Variants in ZRANB3 observed in about 807,000 individuals in gnomAD.
ZRANB3 encodes zinc finger RANBP2-type containing 3.
A neutral mutation model predicts 133.8 loss-of-function variants in ZRANB3; 125 were observed. The ratio of observed to expected loss-of-function variants is 0.93; its 90% CI spans 0.81 to 1.08. The LOEUF (loss-of-function observed/expected upper bound fraction) is 1.08, where lower values mean the gene tolerates loss of function less well. ZRANB3 is among the 50% of genes least tolerant of loss of function. The pLI is 0.00. For missense variants in ZRANB3, 1,229 were observed against 1,275.5 expected, an observed-to-expected ratio of 0.96 and a Z score of 0.56; for synonymous variants, 387 against 432.7, an observed-to-expected ratio of 0.89 and a Z score of 1.31.
At chr2:135,207,191 T>TAAATAAATA (rs1212661843) in intron 19 of ZRANB3, among the ~76,000 whole-genome samples, 1 of 149,456 alleles carries the variant, frequency 6.7e-6, no homozygotes, top group African/African-American at 2.5e-5. Flanking sequence ...AATAAATAAA[T>TAAATAAATA]AATAAATAAA....
At chr2:135,507,354 G>GA (rs1246685252) in intron 1 of ZRANB3, among the ~76,000 whole-genome samples, 1 of 152,148 alleles carries the variant, frequency 6.6e-6, no homozygotes, top group Non-Finnish European at 1.5e-5. Flanking sequence ...GAGAGATAGA[G>GA]AATGGATACA....
chr2:135,239,396 A>G (rs1189077910), intron 12 of ZRANB3, among the ~76,000 whole-genome samples: 1 of 139,284 alleles, frequency 7.2e-6, no homozygotes, highest in Non-Finnish European at 1.5e-5. Flanking sequence ...GACAAATTTT[A>G]TTTACCACAG....
chr2:135,265,949 C>T (rs1335550548), intron 11 of ZRANB3, among the ~76,000 whole-genome samples: 1 of 152,164 alleles, frequency 6.6e-6, no homozygotes, highest in African/African-American at 2.4e-5. Flanking sequence ...GTGGCTCATG[C>T]CTGTAATCCC....
At chr2:135,300,801 T>C (rs185817236) in intron 8 of ZRANB3, among the ~76,000 whole-genome samples, 2 of 152,300 alleles carry the variant, frequency 1.3e-5, no homozygotes, top group East Asian at 3.9e-4. Flanking sequence ...GCATCCTAAG[T>C]GGATTCTCTG....
intron 1 of ZRANB3, 95 bp from the exon 2 acceptor site, chr2:135,504,591 TATAA>T: frequency 9.1e-7 from 1 of 1,103,580 alleles, no homozygotes; most frequent in African/African-American, 1.6e-5. Context: ...TTAAAGTACT[TATAA>T]ATAGCTTTGA....
intron 12 of ZRANB3, among the ~76,000 whole-genome samples, chr2:135,262,561 T>C (rs1282251486): frequency 6.6e-6 from 1 of 152,098 alleles, no homozygotes; most frequent in Non-Finnish European, 1.5e-5. Context: ...GTGGGAGGAT[T>C]GCTTGAGGCC....
chr2:135,492,282 C>A (rs571673911), intron 2 of ZRANB3, among the ~76,000 whole-genome samples: 1 of 152,188 alleles, frequency 6.6e-6, no homozygotes, highest in Admixed American at 6.5e-5. Context: ...CAAAGTGAAA[C>A]CTAACCTTGT....
intron 2 of ZRANB3, among the ~76,000 whole-genome samples, chr2:135,411,272 A>G (rs552385090): frequency 6.6e-6 from 1 of 152,260 alleles, no homozygotes; most frequent in South Asian, 2.1e-4. Flanking sequence ...GATATTGGCA[A>G]GAATATGAAG....
At chr2:135,504,816 G>A (rs1693101492) in intron 1 of ZRANB3, among the ~76,000 whole-genome samples, 1 of 151,828 alleles carries the variant, frequency 6.6e-6, no homozygotes, top group African/African-American at 2.4e-5. Context: ...TTCACAAATC[G>A]AATAATTTTT....
intron 12 of ZRANB3, among the ~76,000 whole-genome samples, chr2:135,246,096 T>C (rs1033248741): frequency 2.8e-5 from 4 of 140,996 alleles, no homozygotes; most frequent in East Asian, 2.2e-4. Context: ...TGGAGTGCAA[T>C]GGTGTGATCT....
intron 8 of ZRANB3, among the ~76,000 whole-genome samples, chr2:135,286,650 C>T (rs1460996302): frequency 1.3e-5 from 2 of 152,194 alleles, no homozygotes; most frequent in Non-Finnish European, 2.9e-5. Context: ...TTTTAATTTG[C>T]ATTTCCCTGA....
chr2:135,298,738 T>G (rs1220139170), intron 8 of ZRANB3, among the ~76,000 whole-genome samples: 1 of 152,220 alleles, frequency 6.6e-6, no homozygotes, highest in African/African-American at 2.4e-5. Context: ...GGCAGTGAAA[T>G]GGACTCTGTG....
intron 2 of ZRANB3, among the ~76,000 whole-genome samples, chr2:135,467,583 G>A (rs1255771517): frequency 6.6e-6 from 1 of 152,150 alleles, no homozygotes; most frequent in Non-Finnish European, 1.5e-5. Context: ...TTACTATTGA[G>A]GATCCCCCCT....
At chr2:135,338,108 T>C (rs1428449477) in intron 6 of ZRANB3, among the ~76,000 whole-genome samples, 2 of 152,188 alleles carry the variant, frequency 1.3e-5, no homozygotes, top group Admixed American at 6.5e-5. Context: ...CCCCATTAGT[T>C]TGACAACATC....
At chr2:135,266,499 G>C (rs1268180719) in intron 11 of ZRANB3, among the ~76,000 whole-genome samples, 2 of 152,096 alleles carry the variant, frequency 1.3e-5, no homozygotes, top group African/African-American at 4.8e-5. Context: ...AGGAGCGGTG[G>C]CTCATGCCTG....
intron 5 of ZRANB3, among the ~76,000 whole-genome samples, chr2:135,349,777 A>G (rs186299492): frequency 6.6e-6 from 1 of 152,354 alleles, no homozygotes; most frequent in Admixed American, 6.5e-5. Context: ...TGTTTTATAC[A>G]TACCTACAAG....
intron 6 of ZRANB3, among the ~76,000 whole-genome samples, chr2:135,340,899 A>G (rs1427145909): frequency 6.7e-6 from 1 of 149,978 alleles, no homozygotes; most frequent in African/African-American, 2.5e-5. Flanking sequence ...CTTTTCATCA[A>G]ACAGGAGTAT....
At chr2:135,457,325 T>C (rs1430417985) in intron 2 of ZRANB3, among the ~76,000 whole-genome samples, 1 of 152,178 alleles carries the variant, frequency 6.6e-6, no homozygotes, top group East Asian at 1.9e-4. Context: ...CATCTACAAG[T>C]GGAAGGGCTG....
chr2:135,291,228 G>A (rs547831344), intron 8 of ZRANB3, among the ~76,000 whole-genome samples: 25 of 151,748 alleles, frequency 1.6e-4, no homozygotes, highest in Non-Finnish European at 3.4e-4. Flanking sequence ...ACCCAGGGTG[G>A]AGTGAGTGCA....
Sources: allele counts gnomAD v4.1 joint callset (sites outside exome capture counted in the v4.1 genomes callset), GRCh38; gene constraint gnomAD v4.1.1; transcripts MANE v1.5; gene names NCBI Gene and HGNC (gene_info 2026-07-23, HGNC 2026-07-21).